ST6GAL2: variants seen among roughly 807,000 people sequenced by gnomAD.
ST6GAL2 encodes the protein ST6 beta-galactoside alpha-2,6-sialyltransferase 2, also known as beta-galactoside alpha-2,6-sialyltransferase 2.
ST6GAL2 carries 24 observed loss-of-function variants against 37.5 expected under a neutral mutation model. That is an observed-to-expected ratio of 0.64 (90% CI 0.46 to 0.90). ST6GAL2 has a LOEUF of 0.90. ST6GAL2 is among the 40% of genes least tolerant of loss of function. The probability of loss-of-function intolerance (pLI) is 0.00; values close to 1 mark genes in which losing one functional copy is unlikely to be tolerated. For missense variants in ST6GAL2, 715 were observed against 712.7 expected (o/e 1.00, Z -0.04); for synonymous variants, 306 against 295.1 (o/e 1.04, Z -0.38).
chr2:106,845,457 A>G (rs887711515), intron 1 of ST6GAL2, among the ~76,000 whole-genome samples: 1 of 152,190 alleles, frequency 6.6e-6, no homozygotes. Context: ...AGATACTCAG[A>G]AAGTAGGGTG....
At chr2:106,820,293 G>A (rs1675953336) in intron 5 of ST6GAL2, among the ~76,000 whole-genome samples, 1 of 151,912 alleles carries the variant, frequency 6.6e-6, no homozygotes, top group African/African-American at 2.4e-5. Flanking sequence ...CCATGCTAAT[G>A]GAACCCACCT....
Position 106,843,744 on chromosome 2 carries a change from C to G in ST6GAL2, c.234G>C (p.Gln78His). ...PSPPGGLDARQALPRAHPAGS... is the reference protein window; with the variant it reads ...PSPPGGLDARHALPRAHPAGS... ...CGGCTGGGTGGGCGCGGGGCAGCGCCTGGCGTGCGTCCAGGCCCCCAGGCG... is the reference window on the plus strand; with the variant it reads ...CGGCTGGGTGGGCGCGGGGCAGCGCGTGGCGTGCGTCCAGGCCCCCAGGCG... The change falls in exon 2 of 6, where the codon CAG becomes CAC. Residue 78 changes from glutamine (Q) to histidine (H), a missense_variant. This residue lies in a region of ST6GAL2 where 512 missense variants were observed against 488.8 expected (regional missense o/e 1.05). Transcript: ENST00000409382. 6.2e-7 allele frequency: 1 copy of G among 1,611,880 alleles called. No homozygotes were observed. The highest frequency in any genetic ancestry group is 2.2e-5 in the East Asian group (1 of 44,840).
chr2:106,883,280 C>A (rs1423530456), intron 1 of ST6GAL2, among the ~76,000 whole-genome samples: 1 of 152,196 alleles, frequency 6.6e-6, no homozygotes, highest in Admixed American at 6.5e-5. Context: ...CCGTGTTTCT[C>A]TAACACTGAT....
At chr2:106,821,495 C>A (rs1057181934) in intron 5 of ST6GAL2, among the ~76,000 whole-genome samples, 4 of 151,666 alleles carry the variant, frequency 2.6e-5, no homozygotes, top group Non-Finnish European at 2.9e-5. Flanking sequence ...CCTGAACAGA[C>A]CAGTAACAAT....
rs1181856443 is a variant in ST6GAL2, at chr2:106,843,626, T to C, written c.352A>G (p.Arg118Gly). ...GGGTAGAAAGCACTTTGAGATTTTC[T>C]CCCCACCTGGGATGAAAAAAACTCT... ...HKEFFSSQVG[R>G]KSQSAFYPED... Residue 118 changes from arginine (R) to glycine (G), a missense_variant, in exon 2 of 6, where the codon AGA (arginine) becomes GGA (glycine). Physicochemically the swap from Arg to Gly is moderately radical, Grantham distance 125. Transcript: ENST00000409382. The C allele has an allele frequency of 1.2e-6, 2 of 1,613,734 alleles. No individual in the cohort carries two copies. Among genetic ancestry groups the C allele is most frequent in the Admixed American group, 3.3e-5 (2 of 60,004 alleles).
chr2:106,867,106 C>T (rs1418456110), intron 1 of ST6GAL2, among the ~76,000 whole-genome samples: 1 of 152,070 alleles, frequency 6.6e-6, no homozygotes, highest in Admixed American at 6.5e-5. Flanking sequence ...AAGGGCAAAA[C>T]ATTTTGTTTT....
At position 106,830,082 on chromosome 2, in the gene ST6GAL2, T is replaced by C. The variant is rs1676357341; in HGVS notation, c.1302A>G (p.Pro434=). The C allele has an allele frequency of 5.6e-6, 9 of 1,613,896 alleles. No homozygotes were observed. The highest frequency in any genetic ancestry group is 5.5e-5 in the South Asian group (5 of 91,052). ...AACACCTACCAATGAAACCAGAAGATGGTGGGTTTGGTTGAATCTTCTCTT... is the reference window on the plus strand; with the variant it reads ...AACACCTACCAATGAAACCAGAAGACGGTGGGTTTGGTTGAATCTTCTCTT... ...NTKEKIQPNP[P]SSGFIGILIM... Residue 434 remains proline, a synonymous_variant, in exon 5 of 6, where the codon CCA becomes CCG. Transcript: ENST00000409382.
intron 1 of ST6GAL2, among the ~76,000 whole-genome samples, chr2:106,846,966 T>G (rs1375002): frequency 0.6 from 91,568 of 151,982 alleles, 28,951 homozygotes; most frequent in Non-Finnish European, 0.73. Flanking sequence ...ACCACAGAGC[T>G]AGCAAGCAGC....
chr2:106,866,876 CT>C (rs1678047765), intron 1 of ST6GAL2, among the ~76,000 whole-genome samples: 1 of 152,098 alleles, frequency 6.6e-6, no homozygotes, highest in Admixed American at 6.5e-5. Context: ...AATGTAACAG[CT>C]ATGAAATACA....
Position 106,843,317 on chromosome 2 carries a change from G to A in ST6GAL2, c.661C>T (p.Leu221=). The change falls in exon 2 of 6, where the codon CTG becomes TTG. Residue 221 remains leucine (L), a synonymous_variant. Coordinates refer to ENST00000409382, the MANE Select transcript of ST6GAL2 (RefSeq NM_001142351.2). ...NVSSKMLNPR[L]QKAMKDYLTA... ...AGGTAATCCTTCATCGCCTTCTGCA[G>A]GCGCGGGTTCAGCATTTTGGAAGAG... is the stretch of plus-strand genomic sequence containing the variant. 1 of 1,613,906 alleles carries A rather than the reference G, an allele frequency of 6.2e-7. No homozygotes were observed. Among genetic ancestry groups the A allele is most frequent in the Non-Finnish European group, 8.5e-7 (1 of 1,179,964 alleles).
chr2:106,823,840 C>T, intron 5 of ST6GAL2, among the ~76,000 whole-genome samples: 1 of 152,156 alleles, frequency 6.6e-6, no homozygotes, highest in African/African-American at 2.4e-5. Flanking sequence ...GCTGTGTCTT[C>T]ACACAGTGGA....
chr2:106,806,463 T>A lies in ST6GAL2; in HGVS notation c.*215A>T. On this transcript the variant is annotated 3_prime_UTR_variant, in exon 6 of 6. Coordinates refer to ENST00000409382, the MANE Select transcript of ST6GAL2 (RefSeq NM_001142351.2). Reference sequence around the variant, plus strand: ...TCTAGCTATCCTTGGTTTTGCATCTTTCTTGAGCCTTATTTTTTTAAAAAA... The same window carrying A: ...TCTAGCTATCCTTGGTTTTGCATCTATCTTGAGCCTTATTTTTTTAAAAAA... 1 of 562,636 alleles carries A rather than the reference T, an allele frequency of 1.8e-6. No individual in the cohort carries two copies. The highest frequency in any genetic ancestry group is 2.6e-5 in the South Asian group (1 of 38,968). The allele number at this position is 562,636 out of a possible 1,614,324, so 34.9% of individuals were successfully genotyped here.
intron 1 of ST6GAL2, among the ~76,000 whole-genome samples, chr2:106,883,000 C>T (rs1189980624): frequency 6.6e-6 from 1 of 152,198 alleles, no homozygotes; most frequent in African/African-American, 2.4e-5. Flanking sequence ...CTGCAGGTGG[C>T]AAAGTGAAGA....
intron 5 of ST6GAL2, among the ~76,000 whole-genome samples, chr2:106,812,854 C>T (rs1259292374): frequency 2.0e-5 from 3 of 152,154 alleles, no homozygotes; most frequent in Admixed American, 2.0e-4. Context: ...CATCTAATAA[C>T]ATGCAATTCA....
At chr2:106,842,127 T>C (rs1676909548) in intron 2 of ST6GAL2, among the ~76,000 whole-genome samples, 1 of 152,178 alleles carries the variant, frequency 6.6e-6, no homozygotes, top group Non-Finnish European at 1.5e-5. Context: ...ACACAGAAAC[T>C]CTGCCTGAGT....
chr2:106,853,388 T>C (rs1405525550), intron 1 of ST6GAL2, among the ~76,000 whole-genome samples: 1 of 152,230 alleles, frequency 6.6e-6, no homozygotes, highest in Non-Finnish European at 1.5e-5. Context: ...TGCAGGGGTT[T>C]TCTACCTCGG....
chr2:106,881,871 T>C (rs760064672), intron 1 of ST6GAL2, among the ~76,000 whole-genome samples: 9 of 152,248 alleles, frequency 5.9e-5, no homozygotes, highest in Non-Finnish European at 1.3e-4. Flanking sequence ...TCTCTAATGC[T>C]TTAGCCAATG....
At chr2:106,885,095 A>G (rs2104673669) in intron 1 of ST6GAL2, among the ~76,000 whole-genome samples, 1 of 151,760 alleles carries the variant, frequency 6.6e-6, no homozygotes, top group South Asian at 2.1e-4. Context: ...CATCAAAGTA[A>G]CCAGCATGGG....
At chr2:106,880,192 C>G (rs1452537104) in intron 1 of ST6GAL2, among the ~76,000 whole-genome samples, 2 of 152,014 alleles carry the variant, frequency 1.3e-5, no homozygotes, top group African/African-American at 4.8e-5. Context: ...TAAAATAACT[C>G]TTAGGCTTAT....
Sources: gnomAD v4.1 joint callset for allele counts (sites outside exome capture counted in the v4.1 genomes callset) on GRCh38, gnomAD v4.1.1 for gene constraint, gnomAD v4.1.1 regional missense constraint, MANE v1.5 for transcripts, NCBI Gene and HGNC (gene_info 2026-07-23, HGNC 2026-07-21) for gene names.